The following ASCC1 variants were observed in gnomAD, a reference collection of about 807,000 sequenced individuals.
ASCC1 encodes the protein activating signal cointegrator 1 complex subunit 1.
ASCC1 carries 35 observed loss-of-function variants against 46.6 expected under a neutral mutation model. That is an observed-to-expected ratio of 0.75 (90% CI 0.57 to 0.99). ASCC1 has a LOEUF of 0.99. ASCC1 is among the 50% of genes least tolerant of loss of function. The pLI is 0.00. For synonymous variants in ASCC1, 143 were observed against 146.6 expected (o/e 0.98, Z 0.18); for missense variants, 376 against 428.7 (o/e 0.88, Z 1.09).
chr10:72,152,816 G>A (rs1848523541), intron 7 of ASCC1, 53 bp downstream of exon 7: 2 of 1,608,690 alleles, frequency 1.2e-6, no homozygotes, highest in Admixed American at 3.3e-5. Flanking sequence ...AAACTTTTGA[G>A]GATGCTTTTA....
chr10:72,153,840 G>T (rs1848650081), intron 6 of ASCC1, among the ~76,000 whole-genome samples: 1 of 151,944 alleles, frequency 6.6e-6, no homozygotes, highest in South Asian at 2.1e-4. Context: ...TCCTGTCTCA[G>T]CCTCCTGAGT....
intron 5 of ASCC1, among the ~76,000 whole-genome samples, chr10:72,191,593 A>G (rs934857905): frequency 6.6e-6 from 1 of 152,102 alleles, no homozygotes; most frequent in Admixed American, 6.6e-5. Flanking sequence ...AATATAAAAA[A>G]CCAAAACCAT....
intron 5 of ASCC1, among the ~76,000 whole-genome samples, chr10:72,179,974 G>T (rs1200308975): frequency 1.3e-5 from 2 of 152,106 alleles, no homozygotes; most frequent in East Asian, 3.9e-4. Context: ...TGACAGAAAA[G>T]AAAAATACTT....
chr10:72,165,302 G>A (rs1725197463), intron 5 of ASCC1, among the ~76,000 whole-genome samples: 1 of 152,066 alleles, frequency 6.6e-6, no homozygotes, highest in South Asian at 2.1e-4. Flanking sequence ...TTTTAGTAGA[G>A]ACGGGGTTTC....
At chr10:72,212,593 A>C (rs982789132) in intron 2 of ASCC1, among the ~76,000 whole-genome samples, 1 of 152,152 alleles carries the variant, frequency 6.6e-6, no homozygotes, top group Non-Finnish European at 1.5e-5. Flanking sequence ...CATGCCTGTA[A>C]TCCCAGCACT....
chr10:72,170,114 C>A (rs1266524554), intron 5 of ASCC1, among the ~76,000 whole-genome samples: 1 of 150,904 alleles, frequency 6.6e-6, no homozygotes, highest in Non-Finnish European at 1.5e-5. Flanking sequence ...GAGTGAAACT[C>A]CGTCTCAAAG....
chr10:72,159,949 G>A (rs1379404563), intron 6 of ASCC1, among the ~76,000 whole-genome samples: 1 of 145,306 alleles, frequency 6.9e-6, no homozygotes, highest in Non-Finnish European at 1.5e-5. Context: ...CTGTCGCCCA[G>A]GCTGGAGTGC....
chr10:72,110,484 T>A (rs904113451), intron 9 of ASCC1, among the ~76,000 whole-genome samples: 3 of 152,192 alleles, frequency 2.0e-5, no homozygotes, highest in African/African-American at 7.2e-5. Flanking sequence ...CAAGGCAGCA[T>A]CCAGAAGTTA....
chr10:72,216,341 G>A (rs144621123), upstream of ASCC1: 23 of 172,542 alleles, frequency 1.3e-4, no homozygotes, highest in African/African-American at 5.0e-4. Context: ...CTGCGCAGTG[G>A]GACAGCGCCG....
chr10:72,202,581 C>A (rs1188856246), intron 4 of ASCC1, among the ~76,000 whole-genome samples: 1 of 152,116 alleles, frequency 6.6e-6, no homozygotes, highest in Non-Finnish European at 1.5e-5. Context: ...TTGGTTTACA[C>A]TGAGGCTTGG....
At chr10:72,174,512 G>A (rs914262986) in intron 5 of ASCC1, among the ~76,000 whole-genome samples, 1 of 152,188 alleles carries the variant, frequency 6.6e-6, no homozygotes, top group African/African-American at 2.4e-5. Context: ...GTAGAAGGGA[G>A]GCCTCTCTCC....
intron 3 of ASCC1, 28 bp from the exon 4 acceptor site, chr10:72,203,552 T>C: frequency 6.7e-7 from 1 of 1,497,176 alleles, no homozygotes; most frequent in South Asian, 1.1e-5. Flanking sequence ...TAAAAGAAGA[T>C]TAAGTCAAAA....
intron 5 of ASCC1, among the ~76,000 whole-genome samples, chr10:72,189,268 CG>C (rs1368131669): frequency 1.3e-5 from 2 of 151,232 alleles, no homozygotes; most frequent in East Asian, 3.9e-4. Context: ...ATTAGCCGGG[CG>C]GGGTGGCGGG....
intron 6 of ASCC1, among the ~76,000 whole-genome samples, chr10:72,153,951 C>T (rs533952352): frequency 2.6e-5 from 4 of 151,918 alleles, no homozygotes; most frequent in Non-Finnish European, 4.4e-5. Context: ...TAACTCCAGA[C>T]CTCAGGTGAT....
At chr10:72,151,403 C>T (rs914566541) in intron 7 of ASCC1, among the ~76,000 whole-genome samples, 8 of 150,700 alleles carry the variant, frequency 5.3e-5, no homozygotes, top group Admixed American at 4.7e-4. Flanking sequence ...AATGAGAACA[C>T]TTGGACACAG....
intron 7 of ASCC1, among the ~76,000 whole-genome samples, chr10:72,149,870 A>T (rs1467656838): frequency 6.6e-6 from 1 of 152,140 alleles, no homozygotes; most frequent in Admixed American, 6.6e-5. Context: ...CTGTTTAGGC[A>T]CACACCAGAT....
chr10:72,102,722 C>T (rs960494988), intron 9 of ASCC1: 1 of 358,908 alleles, frequency 2.8e-6, no homozygotes. Flanking sequence ...CACCTGTAAT[C>T]CCAACACTTT....
chr10:72,112,878 CAAAAAAAAAA>C (rs60754683), intron 9 of ASCC1, among the ~76,000 whole-genome samples: 3 of 82,842 alleles, frequency 3.6e-5, no homozygotes, highest in African/African-American at 1.5e-4. Flanking sequence ...ACTCTGCCTC[CAAAAAAAAAA>C]AAAAAAAAAA....
chr10:72,113,186 A>G (rs1843118853), intron 9 of ASCC1, among the ~76,000 whole-genome samples: 1 of 152,234 alleles, frequency 6.6e-6, no homozygotes, highest in South Asian at 2.1e-4. Context: ...TCATTCTGAT[A>G]AGAACCAGAA....
Sources: allele counts gnomAD v4.1 joint callset (sites outside exome capture counted in the v4.1 genomes callset), GRCh38; gene constraint gnomAD v4.1.1; transcripts MANE v1.5; gene names NCBI Gene and HGNC (gene_info 2026-07-23, HGNC 2026-07-21).